The following GNA11 variants were observed in gnomAD, a reference collection of about 807,000 sequenced individuals.
GNA11 encodes the protein G protein subunit alpha 11.
Under a neutral mutation model 38.2 loss-of-function variants are expected in GNA11, and 8 were observed. The ratio of observed to expected loss-of-function variants is 0.21; its 90% confidence interval spans 0.12 to 0.38. GNA11 has a LOEUF of 0.38. Ranked by LOEUF, GNA11 falls within the 10% of genes least tolerant of loss-of-function variation. GNA11 has a pLI of 1.00. For missense variants in GNA11, 268 were observed against 516.3 expected, an observed-to-expected ratio of 0.52 and a Z score of 4.66; for synonymous variants, 211 against 221.4, an observed-to-expected ratio of 0.95 and a Z score of 0.42.
At chr19:3,116,716 C>T (rs1007252055) in intron 4 of GNA11, among the ~76,000 whole-genome samples, 6 of 152,224 alleles carry the variant, frequency 3.9e-5, no homozygotes, top group African/African-American at 1.2e-4. Context: ...TGGAGGGCCT[C>T]GCGGTGGCTC....
chr19:3,120,508 C>T lies in GNA11; in HGVS notation c.890-481C>T, dbSNP rs934623410. ...AGGGGCAGGGGTGGCCGGTGGGAAG[C>T]AGCGCCCCTGCTGGAGCCCCTGGAT... is the stretch of plus-strand genomic sequence containing the variant. On this transcript the variant is annotated intron_variant, in intron 6 of 6. Coordinates refer to ENST00000078429, the MANE Select transcript of GNA11 (RefSeq NM_002067.5). This position sits in a 1 kb window ranked among gnomAD's most constrained non-coding sequence, Gnocchi z 5.9. Among the ~76,000 whole-genome samples the T allele has an allele frequency of 6.6e-6, 1 of 152,058 alleles. No individual in the cohort carries two copies. The highest frequency in any genetic ancestry group is 2.4e-5 in the African/African-American group (1 of 41,412).
At chr19:3,104,736 G>A (rs1291019397) in intron 1 of GNA11, among the ~76,000 whole-genome samples, 1 of 152,124 alleles carries the variant, frequency 6.6e-6, no homozygotes, top group African/African-American at 2.4e-5. Context: ...CAGCCCCTGC[G>A]CTCAGGAAGC....
At chr19:3,112,122 G>C (rs1433532246) in intron 2 of GNA11, among the ~76,000 whole-genome samples, 1 of 152,254 alleles carries the variant, frequency 6.6e-6, no homozygotes. Flanking sequence ...GAGACAGTCC[G>C]TGTGGTCGGG....
In GNA11 at chr19:3,121,884, G is replaced by A. The variant is rs376631870; in HGVS notation, c.*705G>A. 6.5e-5 allele frequency: 15 copies of A among 231,538 alleles called. No homozygotes were observed. Among genetic ancestry groups the A allele is most frequent in the African/African-American group, 3.3e-4 (15 of 45,212 alleles). 14.3% of individuals were successfully genotyped at this position (231,538 alleles called of 1,614,324 possible). On this transcript the variant is annotated 3_prime_UTR_variant, in exon 7 of 7. Transcript: ENST00000078429. ...GAGGAAAAAGAACGCCTGACTCACA[G>A]GTTGAAGAAACACCCTGGGCCCTCT...
At position 3,123,790 on chromosome 19, in the gene GNA11, T is replaced by A. The variant is rs780601443; in HGVS notation, c.*2611T>A. On this transcript the variant is annotated 3_prime_UTR_variant, in exon 7 of 7. Transcript: ENST00000078429. ...ACCTTAATCTATTTAAAAAAGAATA[T>A]TCTATACAAGCTGTTTTTAAGCCTT... 2 of 231,790 alleles carry A rather than the reference T, an allele frequency of 8.6e-6. No homozygotes were observed. Among genetic ancestry groups the A allele is most frequent in the African/African-American group, 2.2e-5 (1 of 45,242 alleles). The allele number at this position is 231,790 out of a possible 1,614,324, so 14.4% of individuals were successfully genotyped here. A position where few individuals can be genotyped will look rare whatever the true frequency, so the allele number is the denominator to read the frequency against.
chr19:3,116,992 G>A (rs771453770), intron 4 of GNA11, among the ~76,000 whole-genome samples: 13 of 152,164 alleles, frequency 8.5e-5, no homozygotes, highest in Admixed American at 2.0e-4. Context: ...AGGATGCGGC[G>A]TGAAGATGGA....
In GNA11 at chr19:3,108,909, G is replaced by A. The variant is rs1163004849; in HGVS notation, c.137-1240G>A. ...GTGGGAGGCCTCAGTTCCTCACCAC[G>A]TGGGCCTCTCCGTGAAGCTGCTTGA... On this transcript the variant is annotated intron_variant, in intron 1 of 6. Transcript: ENST00000078429. This position sits in a 1 kb window ranked among gnomAD's most constrained non-coding sequence, Gnocchi z 4.5. Among the ~76,000 whole-genome samples the A allele has an allele frequency of 6.6e-6, 1 of 152,150 alleles. No homozygotes were observed.
At chr19:3,112,156 C>G (rs1461714104) in intron 2 of GNA11, among the ~76,000 whole-genome samples, 3 of 152,246 alleles carry the variant, frequency 2.0e-5, no homozygotes, top group Non-Finnish European at 4.4e-5. Flanking sequence ...CTCTCTGGCT[C>G]TCTGCAGAAG....
chr19:3,118,840 G>C (rs2145325615), intron 4 of GNA11, 84 bp from the exon 5 acceptor site: 1 of 1,262,360 alleles, frequency 7.9e-7, no homozygotes, highest in Non-Finnish European at 1.1e-6. Flanking sequence ...TGTGGCAGGA[G>C]GGGCTTGGGT....
At position 3,119,741 on chromosome 19, in the gene GNA11, G is replaced by A. The variant is rs144275433; in HGVS notation, c.889+382G>A. ...GTACGGGAGGGAGTTGTCGTATGGGGGTGTCCTGTATAGGTGATCCCATAT... is the reference window on the plus strand; with the variant it reads ...GTACGGGAGGGAGTTGTCGTATGGGAGTGTCCTGTATAGGTGATCCCATAT... On this transcript the variant is annotated intron_variant, in intron 6 of 6. Coordinates refer to ENST00000078429, the MANE Select transcript of GNA11 (RefSeq NM_002067.5). The surrounding 1 kb of genome is among the most constrained non-coding windows in gnomAD (Gnocchi z 4.6). 1.6e-3 allele frequency among the ~76,000 whole-genome samples: 250 copies of A among 151,782 alleles called. No homozygotes were observed. The highest frequency in any genetic ancestry group is 5.8e-3 in the African/African-American group (241 of 41,352).
chr19:3,116,170 G>C (rs905760146), intron 4 of GNA11, among the ~76,000 whole-genome samples: 2 of 152,098 alleles, frequency 1.3e-5, no homozygotes, highest in African/African-American at 4.8e-5. Flanking sequence ...AGTGGGTCCT[G>C]TGTCTGGTAG....
intron 1 of GNA11, among the ~76,000 whole-genome samples, chr19:3,105,063 G>A (rs1913606359): frequency 6.6e-6 from 1 of 151,438 alleles, no homozygotes; most frequent in Non-Finnish European, 1.5e-5. Context: ...CGGGACCGGT[G>A]GTGGGTGTGG....
intron 1 of GNA11, among the ~76,000 whole-genome samples, chr19:3,106,335 C>G (rs1474262856): frequency 2.0e-5 from 3 of 152,214 alleles, no homozygotes; most frequent in Non-Finnish European, 4.4e-5. Context: ...GCGGCAGCAG[C>G]TGAGTTGGCG....
At position 3,119,080 on chromosome 19, in the gene GNA11, C is replaced by T. The variant is rs779001946; in HGVS notation, c.735+27C>T. 9 of 1,609,514 alleles carry T rather than the reference C, an allele frequency of 5.6e-6. No individual in the cohort carries two copies. The highest frequency in any genetic ancestry group is 2.7e-5 in the African/African-American group (2 of 74,668). On this transcript the variant is annotated intron_variant, in intron 5 of 6. Transcript: ENST00000078429. This position sits in a 1 kb window ranked among gnomAD's most constrained non-coding sequence, Gnocchi z 4.6. Reference sequence around the variant, plus strand: ...TGGGCCCTGCCCTGAGCAGGGGCAGCGTTGGGGGCCGGGCCTTCCCCACCT... The same window carrying T: ...TGGGCCCTGCCCTGAGCAGGGGCAGTGTTGGGGGCCGGGCCTTCCCCACCT...
intron 1 of GNA11, among the ~76,000 whole-genome samples, chr19:3,107,868 C>T (rs1279822631): frequency 6.6e-6 from 1 of 152,054 alleles, no homozygotes; most frequent in Non-Finnish European, 1.5e-5. Flanking sequence ...CTCTTCAGGG[C>T]GCGGTGAGGG....
At position 3,122,298 on chromosome 19, in the gene GNA11, A is replaced by G. The variant is rs1167858380; in HGVS notation, c.*1119A>G. On this transcript the variant is annotated 3_prime_UTR_variant, in exon 7 of 7. Coordinates refer to ENST00000078429, the MANE Select transcript of GNA11 (RefSeq NM_002067.5). The surrounding 1 kb of genome is among the most constrained non-coding windows in gnomAD (Gnocchi z 7.7). Reference sequence around the variant, plus strand: ...CAGCTCTGTGCGTGGCCTTGTCCCAAGCACTTGCGCCCGCCCCCGAGCGCC... The same window carrying G: ...CAGCTCTGTGCGTGGCCTTGTCCCAGGCACTTGCGCCCGCCCCCGAGCGCC... 4 of 232,594 alleles carry G rather than the reference A, an allele frequency of 1.7e-5. No individual in the cohort carries two copies. The highest frequency in any genetic ancestry group is 3.4e-5 in the Non-Finnish European group (4 of 117,606). 14.4% of individuals were successfully genotyped at this position (232,594 alleles called of 1,614,324 possible).
intron 1 of GNA11, among the ~76,000 whole-genome samples, chr19:3,104,675 A>G (rs539963012): frequency 6.6e-6 from 1 of 152,282 alleles, no homozygotes; most frequent in African/African-American, 2.4e-5. Context: ...GGAAACATGT[A>G]CACAGCGCCT....
chr19:3,115,251 A>G, intron 4 of GNA11, 179 bp downstream of exon 4: 1 of 616,732 alleles, frequency 1.6e-6, no homozygotes, highest in Non-Finnish European at 2.8e-6. Context: ...AAAAAATTTT[A>G]AAAATTAGCT....
At chr19:3,100,325 G>A (rs1262170599) in intron 1 of GNA11, among the ~76,000 whole-genome samples, 9 of 152,322 alleles carry the variant, frequency 5.9e-5, no homozygotes, top group East Asian at 1.9e-4. Flanking sequence ...CCCAGACATC[G>A]CCTAGTGTCC....
Sources: allele counts gnomAD v4.1 joint callset (sites outside exome capture counted in the v4.1 genomes callset), GRCh38; gene constraint gnomAD v4.1.1; non-coding constraint Gnocchi (gnomAD v3.1); transcripts MANE v1.5; gene names NCBI Gene and HGNC (gene_info 2026-07-23, HGNC 2026-07-21).